CCDC7: variants seen among roughly 807,000 people sequenced by gnomAD.
The protein encoded by CCDC7 is coiled-coil domain-containing protein 7.
In CCDC7, 183 loss-of-function variants were observed where a neutral mutation model predicts 196.9. That is an observed-to-expected ratio of 0.93 (90% CI 0.82 to 1.05). The LOEUF (loss-of-function observed/expected upper bound fraction) is 1.05. Ranked by LOEUF, CCDC7 falls within the 50% of genes least tolerant of loss-of-function variation. The pLI, the probability that CCDC7 is intolerant of heterozygous loss-of-function variation, is 0.00. For synonymous variants in CCDC7, 525 were observed against 484.6 expected (o/e 1.08, Z -1.10); for missense variants, 1,540 against 1,482.2 (o/e 1.04, Z -0.64).
chr10:32,852,979 G>A lies in CCDC7; in HGVS notation c.4021+1047G>A, dbSNP rs186718102. On this transcript the variant is annotated intron_variant, in intron 40 of 41. Coordinates refer to ENST00000639629, the Ensembl canonical transcript of CCDC7. ...AAATAAAGTTGACAAGATAGGCTAG[G>A]ACTCAAAAGGAGGGTTTTGTTGGTT... Among the ~76,000 whole-genome samples the A allele has an allele frequency of 1.0e-3, 156 of 152,244 alleles. 4 individuals are homozygous for A. In the East Asian group the frequency reaches 0.03, roughly 29 times the overall value.
intron 25 of CCDC7, among the ~76,000 whole-genome samples, chr10:32,715,107 C>T (rs1209346187): frequency 1.3e-5 from 2 of 152,212 alleles, no homozygotes; most frequent in African/African-American, 4.8e-5. Flanking sequence ...GATTGGGAGA[C>T]ACCTCCCAGC....
At chr10:32,839,406 G>C (rs962879125) in intron 33 of CCDC7, among the ~76,000 whole-genome samples, 1 of 151,814 alleles carries the variant, frequency 6.6e-6, no homozygotes, top group East Asian at 1.9e-4. Flanking sequence ...GGTTAAAAAT[G>C]ACAAAGAGGG....
At chr10:32,491,197 G>T (rs915606478) in intron 8 of CCDC7, among the ~76,000 whole-genome samples, 1 of 151,900 alleles carries the variant, frequency 6.6e-6, no homozygotes, top group Non-Finnish European at 1.5e-5. Context: ...TGACACGTGG[G>T]ATAGAAAAAA....
intron 41 of CCDC7, among the ~76,000 whole-genome samples, chr10:32,858,987 G>A (rs1364770024): frequency 1.3e-5 from 2 of 151,972 alleles, no homozygotes. Flanking sequence ...TAACAACCCC[G>A]TGTCAATATT....
At chr10:32,813,907 C>A (rs2087739071) in intron 30 of CCDC7, among the ~76,000 whole-genome samples, 1 of 152,020 alleles carries the variant, frequency 6.6e-6, no homozygotes, top group African/African-American at 2.4e-5. Context: ...TTGTTATTTT[C>A]CAATCCAGAC....
At chr10:32,519,867 C>T (rs1387166663) in intron 11 of CCDC7, among the ~76,000 whole-genome samples, 2 of 152,066 alleles carry the variant, frequency 1.3e-5, no homozygotes, top group Non-Finnish European at 2.9e-5. Flanking sequence ...ATCCCCACCT[C>T]CTTCTCACAC....
chr10:32,817,724 A>G (rs531516633), intron 31 of CCDC7, among the ~76,000 whole-genome samples: 1 of 152,144 alleles, frequency 6.6e-6, no homozygotes, highest in South Asian at 2.1e-4. Flanking sequence ...AGAATTTCAT[A>G]TCCAGCCAAA....
intron 20 of CCDC7, among the ~76,000 whole-genome samples, chr10:32,651,326 A>G (rs2068719998): frequency 6.6e-6 from 1 of 152,002 alleles, no homozygotes; most frequent in Non-Finnish European, 1.5e-5. Flanking sequence ...CTTCCTCCCT[A>G]TTCAGCCTCA....
chr10:32,629,305 G>C (rs771751569), intron 18 of CCDC7, among the ~76,000 whole-genome samples: 1 of 151,926 alleles, frequency 6.6e-6, no homozygotes, highest in Non-Finnish European at 1.5e-5. Flanking sequence ...TTTGATATAA[G>C]TATAGTGACC....
At chr10:32,869,847 T>C (rs1439181903) in intron 41 of CCDC7, among the ~76,000 whole-genome samples, 4 of 143,920 alleles carry the variant, frequency 2.8e-5, no homozygotes, top group East Asian at 3.9e-4. Context: ...ATTTATTAAA[T>C]AGGGAATCCT....
chr10:32,715,092 C>T (rs887664908), intron 25 of CCDC7, among the ~76,000 whole-genome samples: 3 of 152,220 alleles, frequency 2.0e-5, no homozygotes, highest in Admixed American at 1.3e-4. Flanking sequence ...ACCCCAGTGC[C>T]TCCTGATTGG....
intron 29 of CCDC7, among the ~76,000 whole-genome samples, chr10:32,798,468 C>A (rs981912464): frequency 1.3e-5 from 2 of 152,204 alleles, no homozygotes. Flanking sequence ...AACGGGTCAT[C>A]CTCTCCACTT....
rs189043418 is a variant in CCDC7, at chr10:32,550,628, A to G, written c.1134+6327A>G. ...TTTAAGGGATGCTGGATTTTGTTGAATGATTTTTCTGCATCTACTGAGATG... is the reference window on the plus strand; with the variant it reads ...TTTAAGGGATGCTGGATTTTGTTGAGTGATTTTTCTGCATCTACTGAGATG... On this transcript the variant is annotated intron_variant, in intron 13 of 41. Coordinates refer to ENST00000639629, the Ensembl canonical transcript of CCDC7. Among the ~76,000 whole-genome samples, 235 of 152,196 alleles carry G rather than the reference A, an allele frequency of 1.5e-3. 1 individual carries two copies. The highest frequency in any genetic ancestry group is 5.5e-3 in the African/African-American group (227 of 41,546).
At chr10:32,700,602 GTAGCTAGATGGGGATGGCAT>G in intron 24 of CCDC7, among the ~76,000 whole-genome samples, 1 of 152,256 alleles carries the variant, frequency 6.6e-6, no homozygotes, top group Admixed American at 6.5e-5. Flanking sequence ...AAAGTCGTTG[GTAGCTAGATGGGGATGGCAT>G]TGAATCTATA....
At chr10:32,506,010 G>T (rs1331876368) in intron 9 of CCDC7, among the ~76,000 whole-genome samples, 2 of 145,496 alleles carry the variant, frequency 1.4e-5, no homozygotes, top group Non-Finnish European at 3.0e-5. Context: ...AGGCAGAGGC[G>T]CTCCTCACTT....
chr10:32,577,756 G>C (rs747829386), intron 16 of CCDC7, among the ~76,000 whole-genome samples: 20 of 152,214 alleles, frequency 1.3e-4, no homozygotes, highest in Non-Finnish European at 2.4e-4. Context: ...ATTTGTCTAA[G>C]GTCTAATTGA....
intron 30 of CCDC7, among the ~76,000 whole-genome samples, chr10:32,811,306 T>C (rs867132195): frequency 1.7e-4 from 25 of 151,284 alleles, no homozygotes; most frequent in South Asian, 4.2e-4. Flanking sequence ...AAATCAGAAA[T>C]GAAAAAGGAG....
rs1265931638 is a variant in CCDC7, at chr10:32,565,165, G to A, written c.1135-393G>A. 2.0e-5 allele frequency among the ~76,000 whole-genome samples: 3 copies of A among 152,174 alleles called. No homozygotes were observed. The East Asian group carries it at 5.8e-4, about 29-fold the overall frequency. On this transcript the variant is annotated intron_variant, in intron 13 of 41. Coordinates refer to ENST00000639629, the Ensembl canonical transcript of CCDC7. ...TCCTCAAAGTGTCTTTAATTTGATG[G>A]AGAATTCCTGGAACATCATGTGTAA...
At chr10:32,607,116 G>C (rs1038865365) in intron 18 of CCDC7, among the ~76,000 whole-genome samples, 13 of 152,076 alleles carry the variant, frequency 8.5e-5, no homozygotes, top group Non-Finnish European at 1.3e-4. Context: ...AAAGTATGTG[G>C]CATCTCCCCT....
Sources: gnomAD v4.1 joint callset for allele counts (sites outside exome capture counted in the v4.1 genomes callset) on GRCh38, gnomAD v4.1.1 for gene constraint, MANE v1.5 for transcripts, NCBI Gene and HGNC (gene_info 2026-07-23, HGNC 2026-07-21) for gene names.